RALYL: variants seen among roughly 807,000 people sequenced by gnomAD.
RALYL encodes RALY RNA binding protein like, also known as RNA-binding Raly-like protein.
RALYL carries 29 observed loss-of-function variants against 35.1 expected under a neutral mutation model. That is an observed-to-expected ratio of 0.83 (90% CI 0.61 to 1.13). RALYL has a LOEUF of 1.13. Among genes scored for constraint, RALYL ranks in the 50% most tolerant of loss-of-function variants. The pLI is 0.00. For synonymous variants in RALYL, 120 were observed against 127.6 expected, an observed-to-expected ratio of 0.94 and a Z score of 0.40; for missense variants, 359 against 360.4, an observed-to-expected ratio of 1.00 and a Z score of 0.03.
At chr8:84,554,983 A>G (rs1282714926) in intron 2 of RALYL, among the ~76,000 whole-genome samples, 1 of 152,112 alleles carries the variant, frequency 6.6e-6, no homozygotes, top group African/African-American at 2.4e-5. Context: ...TTTAGATCCT[A>G]GCTATAAAAT....
chr8:84,534,605 G>A (rs901672189), intron 2 of RALYL, among the ~76,000 whole-genome samples: 39 of 152,118 alleles, frequency 2.6e-4, no homozygotes, highest in African/African-American at 8.2e-4. Context: ...TTGGATAGAT[G>A]GTTAGTAGGA....
At chr8:84,734,527 T>A (rs567294752) in intron 2 of RALYL, among the ~76,000 whole-genome samples, 36 of 152,196 alleles carry the variant, frequency 2.4e-4, no homozygotes, top group Admixed American at 1.7e-3. Context: ...GAGCAAAAAA[T>A]TTTCAGTCAA....
intron 1 of RALYL, among the ~76,000 whole-genome samples, chr8:84,490,896 A>G (rs2055214258): frequency 6.6e-6 from 1 of 151,794 alleles, no homozygotes; most frequent in Non-Finnish European, 1.5e-5. Flanking sequence ...ATATTCAAAT[A>G]TACTTTTAAT....
At chr8:84,841,877 A>G (rs1034291216) in intron 4 of RALYL, among the ~76,000 whole-genome samples, 1 of 152,252 alleles carries the variant, frequency 6.6e-6, no homozygotes, top group Middle Eastern at 3.2e-3. Flanking sequence ...TACTGGGTAC[A>G]TAATGAAATG....
intron 1 of RALYL, among the ~76,000 whole-genome samples, chr8:84,188,414 T>C (rs1813049234): frequency 6.6e-6 from 1 of 152,102 alleles, no homozygotes; most frequent in Non-Finnish European, 1.5e-5. Flanking sequence ...CTGCAGTTAT[T>C]GTTATTATTC....
intron 1 of RALYL, among the ~76,000 whole-genome samples, chr8:84,389,335 T>G (rs1323837203): frequency 1.3e-5 from 2 of 152,084 alleles, no homozygotes; most frequent in African/African-American, 4.8e-5. Context: ...GGCTCTTTTT[T>G]GGTTCCACAT....
chr8:84,225,174 G>T (rs1399408377), intron 1 of RALYL, among the ~76,000 whole-genome samples: 1 of 152,150 alleles, frequency 6.6e-6, no homozygotes, highest in Non-Finnish European at 1.5e-5. Context: ...GAAGCCTTAA[G>T]ATTCTGGTAT....
intron 1 of RALYL, among the ~76,000 whole-genome samples, chr8:84,426,820 G>T (rs1344942151): frequency 1.3e-5 from 2 of 152,132 alleles, no homozygotes; most frequent in African/African-American, 2.4e-5. Context: ...ATGTTGAAAA[G>T]GATGTGGGAA....
intron 6 of RALYL, among the ~76,000 whole-genome samples, chr8:84,868,737 T>C (rs1839640780): frequency 6.6e-6 from 1 of 152,140 alleles, no homozygotes; most frequent in Admixed American, 6.5e-5. Context: ...TGGGTATAGA[T>C]GTATGTAGGC....
At chr8:84,280,281 T>A (rs1015673034) in intron 1 of RALYL, among the ~76,000 whole-genome samples, 1 of 152,142 alleles carries the variant, frequency 6.6e-6, no homozygotes, top group Admixed American at 6.5e-5. Context: ...ACTTGTGATA[T>A]CTTTAAAGTA....
chr8:84,280,943 T>C (rs762417995), intron 1 of RALYL, among the ~76,000 whole-genome samples: 1 of 152,156 alleles, frequency 6.6e-6, no homozygotes, highest in African/African-American at 2.4e-5. Context: ...ATTTTCCACA[T>C]TTAAAACTCT....
intron 2 of RALYL, among the ~76,000 whole-genome samples, chr8:84,726,654 A>C (rs1010284674): frequency 6.6e-6 from 1 of 151,926 alleles, no homozygotes; most frequent in Non-Finnish European, 1.5e-5. Context: ...GAGAGAATCT[A>C]TTACTCTTAC....
At chr8:84,499,301 C>G (rs2056419988) in intron 1 of RALYL, among the ~76,000 whole-genome samples, 1 of 151,916 alleles carries the variant, frequency 6.6e-6, no homozygotes, top group South Asian at 2.1e-4. Flanking sequence ...TTAAACATCA[C>G]CCCCTCAAAC....
chr8:84,791,098 G>C (rs1305165116), intron 3 of RALYL, among the ~76,000 whole-genome samples: 3 of 152,136 alleles, frequency 2.0e-5, no homozygotes, highest in Non-Finnish European at 4.4e-5. Context: ...TAAATTAGAA[G>C]GTAGTAGATG....
chr8:84,284,255 T>A (rs1043059784), intron 1 of RALYL, among the ~76,000 whole-genome samples: 1 of 152,028 alleles, frequency 6.6e-6, no homozygotes, highest in Non-Finnish European at 1.5e-5. Flanking sequence ...TTAGTAACAC[T>A]GTTTTCTTTC....
At chr8:84,779,380 G>A (rs1324984080) in intron 3 of RALYL, among the ~76,000 whole-genome samples, 3 of 152,154 alleles carry the variant, frequency 2.0e-5, no homozygotes, top group South Asian at 2.1e-4. Flanking sequence ...TATAAGAGAT[G>A]AACAACAATG....
chr8:84,620,107 A>G (rs28827639), intron 2 of RALYL, among the ~76,000 whole-genome samples: 11,463 of 149,560 alleles, frequency 0.077, 654 homozygotes, highest in African/African-American at 0.23. Flanking sequence ...TCTTTGTGGC[A>G]TTCTCTGTAT....
chr8:84,439,409 A>G (rs1204027346), intron 1 of RALYL, among the ~76,000 whole-genome samples: 1 of 152,084 alleles, frequency 6.6e-6, no homozygotes, highest in Non-Finnish European at 1.5e-5. Flanking sequence ...ATGTGTTTAG[A>G]GGTGGCAAAC....
chr8:84,307,294 C>G (rs1170406984), intron 1 of RALYL, among the ~76,000 whole-genome samples: 1 of 152,122 alleles, frequency 6.6e-6, no homozygotes, highest in African/African-American at 2.4e-5. Flanking sequence ...TAATCAATCT[C>G]AAAACCTATC....
Sources: gnomAD v4.1 joint callset for allele counts (sites outside exome capture counted in the v4.1 genomes callset) on GRCh38, gnomAD v4.1.1 for gene constraint, MANE v1.5 for transcripts, NCBI Gene and HGNC (gene_info 2026-07-23, HGNC 2026-07-21) for gene names.